The following CHRM3 variants were observed in gnomAD, a reference collection of about 807,000 sequenced individuals.
CHRM3 encodes the protein muscarinic acetylcholine receptor M3.
CHRM3 carries 11 observed loss-of-function variants against 41.8 expected under a neutral mutation model. The ratio of observed to expected loss-of-function variants is 0.26; its 90% CI spans 0.17 to 0.44. CHRM3 has a LOEUF of 0.44. CHRM3 is among the 20% of genes least tolerant of loss of function. CHRM3 has a pLI of 1.00. For missense variants in CHRM3, 571 were observed against 745.4 expected, an observed-to-expected ratio of 0.77 and a Z score of 2.72; for synonymous variants, 297 against 301.4, an observed-to-expected ratio of 0.99 and a Z score of 0.15.
intron 3 of CHRM3, among the ~76,000 whole-genome samples, chr1:239,567,209 T>C (rs978949808): frequency 6.6e-6 from 1 of 151,780 alleles, no homozygotes; most frequent in Non-Finnish European, 1.5e-5. Flanking sequence ...TGCGGTGGCA[T>C]GCACCTGAAT....
chr1:239,636,246 T>C (rs1298756590), intron 4 of CHRM3, among the ~76,000 whole-genome samples: 1 of 152,214 alleles, frequency 6.6e-6, no homozygotes, highest in African/African-American at 2.4e-5. Flanking sequence ...TTTTCCCTGT[T>C]TTTATGGGCA....
chr1:239,459,864 G>A (rs1665224080), intron 1 of CHRM3, among the ~76,000 whole-genome samples: 2 of 152,160 alleles, frequency 1.3e-5, no homozygotes, highest in African/African-American at 4.8e-5. Flanking sequence ...GGGATTTTGA[G>A]ATTAGCTAGC....
chr1:239,736,561 G>T (rs17597661), intron 5 of CHRM3, among the ~76,000 whole-genome samples: 6,410 of 152,008 alleles, frequency 0.042, 180 homozygotes, highest in Middle Eastern at 0.12. Context: ...ATGTATTATC[G>T]GATGTTGAAC....
At chr1:239,576,273 A>G (rs12760829) in intron 3 of CHRM3, among the ~76,000 whole-genome samples, 9 of 101,134 alleles carry the variant, frequency 8.9e-5, no homozygotes, top group Non-Finnish European at 1.6e-4. Flanking sequence ...CTCCCTACCC[A>G]CCCCCATCCC....
intron 5 of CHRM3, among the ~76,000 whole-genome samples, chr1:239,716,244 T>TA (rs1662351212): frequency 2.0e-5 from 3 of 151,864 alleles, no homozygotes; most frequent in African/African-American, 7.3e-5. Flanking sequence ...ATGAATGAGG[T>TA]TGTAGAACTG....
chr1:239,470,107 T>G (rs930690213), intron 1 of CHRM3, among the ~76,000 whole-genome samples: 1 of 152,130 alleles, frequency 6.6e-6, no homozygotes, highest in Non-Finnish European at 1.5e-5. Flanking sequence ...ATCCTGGATT[T>G]AGGATGGGAC....
At chr1:239,785,796 G>T (rs1373557871) in intron 5 of CHRM3, among the ~76,000 whole-genome samples, 2 of 152,082 alleles carry the variant, frequency 1.3e-5, no homozygotes, top group African/African-American at 4.8e-5. Context: ...GCCACTAATA[G>T]ACTTTGGTTT....
chr1:239,404,424 AAG>A (rs1660363580), intron 1 of CHRM3, among the ~76,000 whole-genome samples: 10 of 104,846 alleles, frequency 9.5e-5, no homozygotes, highest in African/African-American at 3.4e-4. Context: ...GAAAGAAAGA[AAG>A]AAAGAAAGAA....
intron 1 of CHRM3, among the ~76,000 whole-genome samples, chr1:239,447,600 C>T (rs8179373): frequency 0.24 from 36,402 of 151,866 alleles, 4,739 homozygotes; most frequent in Middle Eastern, 0.4. Flanking sequence ...ATGGAGAAAC[C>T]CCATCTCTAC....
intron 3 of CHRM3, among the ~76,000 whole-genome samples, chr1:239,609,869 A>G (rs1414382850): frequency 6.6e-6 from 1 of 152,024 alleles, no homozygotes; most frequent in African/African-American, 2.4e-5. Context: ...CTTCATATCT[A>G]TTTAGGTACA....
intron 1 of CHRM3, among the ~76,000 whole-genome samples, chr1:239,420,809 A>G (rs1661895773): frequency 6.6e-6 from 1 of 152,154 alleles, no homozygotes; most frequent in Non-Finnish European, 1.5e-5. Context: ...TTTTTAAGGA[A>G]AGAAAAGAAA....
intron 6 of CHRM3, among the ~76,000 whole-genome samples, chr1:239,902,032 T>A (rs1298662438): frequency 2.0e-5 from 3 of 152,330 alleles, no homozygotes; most frequent in Non-Finnish European, 2.9e-5. Context: ...ATACCATGCA[T>A]TGATGCTCAG....
intron 2 of CHRM3, among the ~76,000 whole-genome samples, chr1:239,525,951 T>C (rs1376808731): frequency 1.3e-5 from 2 of 152,190 alleles, no homozygotes; most frequent in Non-Finnish European, 2.9e-5. Flanking sequence ...GGAGTGGAAC[T>C]CAGGCATCAG....
At chr1:239,637,036 T>TA (rs549710724) in intron 4 of CHRM3, among the ~76,000 whole-genome samples, 21 of 152,106 alleles carry the variant, frequency 1.4e-4, no homozygotes, top group Non-Finnish European at 1.6e-4. Flanking sequence ...GAAGAGAAAA[T>TA]AAAAAGTATT....
At chr1:239,560,821 G>A (rs1261445501) in intron 3 of CHRM3, among the ~76,000 whole-genome samples, 2 of 151,984 alleles carry the variant, frequency 1.3e-5, no homozygotes, top group African/African-American at 2.4e-5. Context: ...TTACTTGAAT[G>A]CCTAACAAGT....
intron 5 of CHRM3, among the ~76,000 whole-genome samples, chr1:239,803,383 G>T (rs1670368331): frequency 6.6e-6 from 1 of 152,144 alleles, no homozygotes; most frequent in South Asian, 2.1e-4. Flanking sequence ...GTGGGGAAAA[G>T]GAAAAGAATA....
At chr1:239,716,468 G>A (rs192692063) in intron 5 of CHRM3, among the ~76,000 whole-genome samples, 82 of 152,118 alleles carry the variant, frequency 5.4e-4, no homozygotes, top group African/African-American at 1.9e-3. Flanking sequence ...GGGCATTGAC[G>A]TCATCCAGGA....
At chr1:239,573,028 G>C (rs1455859037) in intron 3 of CHRM3, among the ~76,000 whole-genome samples, 1 of 152,000 alleles carries the variant, frequency 6.6e-6, no homozygotes. Flanking sequence ...AGGGGTTCTT[G>C]GGCATTTGGA....
chr1:239,439,303 C>T (rs2103238052), intron 1 of CHRM3, among the ~76,000 whole-genome samples: 1 of 152,280 alleles, frequency 6.6e-6, no homozygotes, highest in South Asian at 2.1e-4. Context: ...CTGAATCGCT[C>T]TGCTGACAAT....
Sources: allele counts gnomAD v4.1 joint callset (sites outside exome capture counted in the v4.1 genomes callset), GRCh38; gene constraint gnomAD v4.1.1; transcripts MANE v1.5; gene names NCBI Gene and HGNC (gene_info 2026-07-23, HGNC 2026-07-21).